PPP1R14C: variants seen among roughly 807,000 people sequenced by gnomAD.
The protein encoded by PPP1R14C is protein phosphatase 1 regulatory inhibitor subunit 14C, also known as protein phosphatase 1 regulatory subunit 14C.
PPP1R14C carries 16 observed loss-of-function variants against 20.4 expected under a neutral mutation model. The observed-to-expected ratio is 0.78, with a 90% CI of 0.53 to 1.19. The LOEUF is 1.19. Among genes scored for constraint, PPP1R14C ranks in the 50% most tolerant of loss-of-function variants. The probability of loss-of-function intolerance (pLI) is 0.00; values close to 1 mark genes in which losing one functional copy is unlikely to be tolerated. For missense variants in PPP1R14C, 211 were observed against 220.1 expected (o/e 0.96, Z 0.26); for synonymous variants, 91 against 91.0 (o/e 1.00, Z 0.00).
chr6:150,229,968 C>T (rs1164857007), intron 3 of PPP1R14C, among the ~76,000 whole-genome samples: 1 of 152,146 alleles, frequency 6.6e-6, no homozygotes, highest in East Asian at 1.9e-4. Flanking sequence ...CTGTAACTTC[C>T]AGGAGCAAAT....
chr6:150,217,356 C>T (rs1341664513), intron 3 of PPP1R14C, among the ~76,000 whole-genome samples: 5 of 151,916 alleles, frequency 3.3e-5, no homozygotes, highest in East Asian at 1.9e-4. Context: ...TCACCACGCC[C>T]GGCTAATTTT....
chr6:150,189,554 T>G (rs1351653490), intron 1 of PPP1R14C, among the ~76,000 whole-genome samples: 1 of 151,938 alleles, frequency 6.6e-6, no homozygotes, highest in Non-Finnish European at 1.5e-5. Flanking sequence ...TTCTGCTTTT[T>G]TTTTTTGTGG....
intron 1 of PPP1R14C, among the ~76,000 whole-genome samples, chr6:150,159,867 C>T (rs1777345603): frequency 6.6e-6 from 1 of 152,172 alleles, no homozygotes; most frequent in Non-Finnish European, 1.5e-5. Context: ...AGGATCCCAT[C>T]TGGGACACCA....
chr6:150,209,717 G>C (rs1033014168), intron 1 of PPP1R14C, among the ~76,000 whole-genome samples: 1 of 151,514 alleles, frequency 6.6e-6, no homozygotes, highest in Admixed American at 6.6e-5. Flanking sequence ...GCATGTGAGC[G>C]TATGAGTAGT....
At chr6:150,174,459 G>C (rs543936060) in intron 1 of PPP1R14C, among the ~76,000 whole-genome samples, 1 of 151,704 alleles carries the variant, frequency 6.6e-6, no homozygotes, top group African/African-American at 2.4e-5. Context: ...CTTGTGATCC[G>C]CCCACCTTGG....
At chr6:150,240,559 C>T (rs1282154184) in intron 3 of PPP1R14C, among the ~76,000 whole-genome samples, 1 of 152,196 alleles carries the variant, frequency 6.6e-6, no homozygotes, top group East Asian at 1.9e-4. Context: ...GGTGACCAAT[C>T]AGAGGCTGAA....
At chr6:150,191,824 G>A (rs1262500714) in intron 1 of PPP1R14C, among the ~76,000 whole-genome samples, 3 of 152,320 alleles carry the variant, frequency 2.0e-5, no homozygotes, top group Non-Finnish European at 4.4e-5. Context: ...GAAATTCAAA[G>A]GTGAGACTTT....
chr6:150,238,427 A>T (rs1778389445), intron 3 of PPP1R14C, among the ~76,000 whole-genome samples: 1 of 152,250 alleles, frequency 6.6e-6, no homozygotes, highest in African/African-American at 2.4e-5. Context: ...CTTCCAGAGC[A>T]GTCATTTCCG....
chr6:150,248,964 G>A lies in PPP1R14C; in HGVS notation c.*144G>A. On this transcript the variant is annotated 3_prime_UTR_variant, in exon 4 of 4. Coordinates refer to ENST00000361131, the MANE Select transcript of PPP1R14C (RefSeq NM_030949.3). ...TTCTTTTTTGGTGTGAAGGTGGGGG[G>A]GTCTATTAGACATTTATTCAAGAGC... 2.0e-6 allele frequency: 1 copy of A among 494,252 alleles called. No homozygotes were observed. The highest frequency in any genetic ancestry group is 4.3e-5 in the South Asian group (1 of 23,162). The allele number at this position is 494,252 out of a possible 1,614,324, so 30.6% of individuals were successfully genotyped here. A position where few individuals can be genotyped will look rare whatever the true frequency, so the allele number is the denominator to read the frequency against.
chr6:150,195,880 C>T (rs1777798524), intron 1 of PPP1R14C: 2 of 985,260 alleles, frequency 2.0e-6, no homozygotes, highest in Admixed American at 1.2e-4. Context: ...AGGAAACTCC[C>T]AGTTCTAAGG....
chr6:150,169,778 A>G (rs1777476840), intron 1 of PPP1R14C, among the ~76,000 whole-genome samples: 1 of 152,192 alleles, frequency 6.6e-6, no homozygotes, highest in Non-Finnish European at 1.5e-5. Context: ...AGAAATGACT[A>G]TCATTTATTT....
At chr6:150,198,772 G>T (rs138151002) in intron 1 of PPP1R14C, among the ~76,000 whole-genome samples, 3 of 152,200 alleles carry the variant, frequency 2.0e-5, no homozygotes, top group Non-Finnish European at 2.9e-5. Flanking sequence ...CCAGGGAAAA[G>T]GGTGTCTTTC....
intron 1 of PPP1R14C, among the ~76,000 whole-genome samples, chr6:150,161,790 G>GTTGTTGCATACATTC (rs1364818500): frequency 4.6e-5 from 7 of 152,218 alleles, no homozygotes; most frequent in Admixed American, 2.6e-4. Context: ...CCCCTTCAGT[G>GTTGTTGCATACATTC]AGGTTGTTGC....
At chr6:150,168,837 C>G (rs1777466666) in intron 1 of PPP1R14C, among the ~76,000 whole-genome samples, 1 of 152,138 alleles carries the variant, frequency 6.6e-6, no homozygotes, top group African/African-American at 2.4e-5. Context: ...ACATTTAACT[C>G]AATGTATCAA....
At chr6:150,222,639 C>T (rs1778183112) in intron 3 of PPP1R14C, among the ~76,000 whole-genome samples, 1 of 152,098 alleles carries the variant, frequency 6.6e-6, no homozygotes, top group Admixed American at 6.5e-5. Context: ...CTGGCAACCA[C>T]TGATCTCTTT....
chr6:150,183,123 TG>T (rs905502646), intron 1 of PPP1R14C, among the ~76,000 whole-genome samples: 24 of 152,346 alleles, frequency 1.6e-4, no homozygotes, highest in Non-Finnish European at 4.4e-5. Flanking sequence ...AATATTCTGT[TG>T]TTTTTTTAAT....
chr6:150,143,783 C>T lies in PPP1R14C; in HGVS notation c.306+285C>T, dbSNP rs1777151324. On this transcript the variant is annotated intron_variant, in intron 1 of 3. Transcript: ENST00000361131. This position sits in a 1 kb window ranked among gnomAD's most constrained non-coding sequence, Gnocchi z 5.6. ...TCCCGCGGAGCACAGTGCTTTTCTCCGAGCTCCGGGCGCCTCTGGGCTCCA... is the reference window on the plus strand; with the variant it reads ...TCCCGCGGAGCACAGTGCTTTTCTCTGAGCTCCGGGCGCCTCTGGGCTCCA... 1.3e-5 allele frequency among the ~76,000 whole-genome samples: 2 copies of T among 152,064 alleles called. No individual in the cohort carries two copies. The highest frequency in any genetic ancestry group is 4.1e-4 in the South Asian group (2 of 4,822).
At chr6:150,184,163 G>A (rs1189503548) in intron 1 of PPP1R14C, among the ~76,000 whole-genome samples, 3 of 152,212 alleles carry the variant, frequency 2.0e-5, no homozygotes, top group African/African-American at 4.8e-5. Context: ...ATCCAAGTGC[G>A]CGTGGAGAAC....
intron 1 of PPP1R14C, among the ~76,000 whole-genome samples, chr6:150,147,428 T>G (rs890933392): frequency 6.6e-6 from 1 of 152,266 alleles, no homozygotes; most frequent in South Asian, 2.1e-4. Flanking sequence ...TCCGACTGCC[T>G]CAGCCTCCCA....
Sources: gnomAD v4.1 joint callset for allele counts (sites outside exome capture counted in the v4.1 genomes callset) on GRCh38, gnomAD v4.1.1 for gene constraint, Gnocchi (gnomAD v3.1) non-coding constraint, MANE v1.5 for transcripts, NCBI Gene and HGNC (gene_info 2026-07-23, HGNC 2026-07-21) for gene names.